Variants in GNAZ observed in about 807,000 individuals in gnomAD.
GNAZ encodes guanine nucleotide-binding protein G(z) subunit alpha.
GNAZ carries 3 observed loss-of-function variants against 25.4 expected under a neutral mutation model. The observed-to-expected ratio is 0.12, with a 90% CI of 0.05 to 0.30. The LOEUF (loss-of-function observed/expected upper bound fraction) is 0.30, where lower values mean the gene tolerates loss of function less well. GNAZ is among the 10% of genes least tolerant of loss of function. The probability of loss-of-function intolerance (pLI) is 1.00; values close to 1 mark genes in which losing one functional copy is unlikely to be tolerated. For synonymous variants in GNAZ, 211 were observed against 205.7 expected, an observed-to-expected ratio of 1.03 and a Z score of -0.22; for missense variants, 241 against 501.8, an observed-to-expected ratio of 0.48 and a Z score of 4.97.
chr22:23,086,634 C>T (rs758741650), intron 1 of GNAZ, among the ~76,000 whole-genome samples: 3 of 152,196 alleles, frequency 2.0e-5, no homozygotes, highest in Admixed American at 6.5e-5. Flanking sequence ...AGACCCTCCC[C>T]GGGGCCCAGC....
chr22:23,080,476 G>A (rs967691425), intron 1 of GNAZ, among the ~76,000 whole-genome samples: 7 of 152,224 alleles, frequency 4.6e-5, no homozygotes, highest in East Asian at 1.9e-4. Context: ...TTCACTAACC[G>A]TAGTCCTTCC....
intron 1 of GNAZ, among the ~76,000 whole-genome samples, chr22:23,093,153 G>T (rs1177135699): frequency 6.6e-6 from 1 of 152,228 alleles, no homozygotes; most frequent in African/African-American, 2.4e-5. Context: ...TGCCCACTGT[G>T]TGCTGGAGTG....
At chr22:23,085,360 C>G (rs890014439) in intron 1 of GNAZ, among the ~76,000 whole-genome samples, 1 of 152,208 alleles carries the variant, frequency 6.6e-6, no homozygotes, top group Non-Finnish European at 1.5e-5. Context: ...CCATGTCCCC[C>G]TGTCCCCAAG....
intron 2 of GNAZ, chr22:23,122,749 G>A (rs912629680): frequency 3.2e-5 from 10 of 311,130 alleles, no homozygotes; most frequent in East Asian, 5.7e-5. Flanking sequence ...GGGGGTCCTC[G>A]GAGCTGGAGG....
intron 1 of GNAZ, among the ~76,000 whole-genome samples, chr22:23,081,329 G>C (rs2068672048): frequency 6.6e-6 from 1 of 152,220 alleles, no homozygotes; most frequent in Non-Finnish European, 1.5e-5. Context: ...GGAAGAGTTT[G>C]TGTCTCTGAA....
intron 1 of GNAZ, among the ~76,000 whole-genome samples, chr22:23,080,753 CAA>C (rs2068653755): frequency 6.6e-6 from 1 of 152,236 alleles, no homozygotes; most frequent in Non-Finnish European, 1.5e-5. Context: ...TCTCATTTTT[CAA>C]ACACTGCAAA....
intron 1 of GNAZ, among the ~76,000 whole-genome samples, chr22:23,088,417 C>T (rs1337670053): frequency 6.6e-6 from 1 of 152,204 alleles, no homozygotes; most frequent in Non-Finnish European, 1.5e-5. Flanking sequence ...CTCCTCCCTC[C>T]CCAGACCAGC....
chr22:23,084,876 C>T (rs2068775546), intron 1 of GNAZ, among the ~76,000 whole-genome samples: 5 of 152,294 alleles, frequency 3.3e-5, no homozygotes, highest in South Asian at 4.1e-4. Context: ...GCACTGTCTG[C>T]GGTTTTGTGG....
At chr22:23,082,054 C>T (rs1449289818) in intron 1 of GNAZ, among the ~76,000 whole-genome samples, 23 of 137,682 alleles carry the variant, frequency 1.7e-4, no homozygotes, top group African/African-American at 5.1e-4. Flanking sequence ...GAACCCAGGA[C>T]GCGGAGCTTG....
At chr22:23,087,764 G>A (rs949196502) in intron 1 of GNAZ, among the ~76,000 whole-genome samples, 1 of 152,172 alleles carries the variant, frequency 6.6e-6, no homozygotes, top group Non-Finnish European at 1.5e-5. Context: ...CAGTTCCTGG[G>A]TGGGGGCCAC....
intron 1 of GNAZ, among the ~76,000 whole-genome samples, chr22:23,080,132 A>G (rs1343340419): frequency 6.6e-6 from 1 of 152,196 alleles, no homozygotes; most frequent in African/African-American, 2.4e-5. Context: ...CTCTGCTGTC[A>G]TGGCCACCCT....
chr22:23,074,198 T>C (rs1251327517), intron 1 of GNAZ, among the ~76,000 whole-genome samples: 1 of 152,086 alleles, frequency 6.6e-6, no homozygotes, highest in Admixed American at 6.5e-5. Context: ...GGAGCTAATC[T>C]ACACTTTGAA....
At chr22:23,080,898 G>A (rs2068658696) in intron 1 of GNAZ, among the ~76,000 whole-genome samples, 1 of 152,232 alleles carries the variant, frequency 6.6e-6, no homozygotes, top group Non-Finnish European at 1.5e-5. Context: ...TGTAAAGCAT[G>A]CTGGCTTGTG....
intron 1 of GNAZ, among the ~76,000 whole-genome samples, chr22:23,078,179 T>C (rs1366377183): frequency 6.6e-6 from 1 of 152,248 alleles, no homozygotes; most frequent in African/African-American, 2.4e-5. Flanking sequence ...CAGTTACCTC[T>C]GATATGCTGT....
rs201526580 is a variant in GNAZ, at chr22:23,096,010, G to A, written c.315G>A (p.Val105=). 3.1e-6 allele frequency: 5 copies of A among 1,607,784 alleles called. No homozygotes were observed. In the South Asian group the frequency reaches 3.3e-5, roughly 11 times the overall value. ...FHNPDRAYDA[V]QLFALTGPAE... is the part of the protein sequence containing the mutation. ...ACCCCGACCGCGCCTACGACGCTGTGCAGCTCTTTGCGCTGACGGGCCCCG... is the reference window on the plus strand; with the variant it reads ...ACCCCGACCGCGCCTACGACGCTGTACAGCTCTTTGCGCTGACGGGCCCCG... The change falls in exon 2 of 3, where the codon GTG becomes GTA. Residue 105 remains valine, a synonymous_variant. Coordinates refer to ENST00000615612, the MANE Select transcript of GNAZ (RefSeq NM_002073.4).
chr22:23,107,910 C>T (rs1006334992), intron 2 of GNAZ, among the ~76,000 whole-genome samples: 1 of 152,230 alleles, frequency 6.6e-6, no homozygotes, highest in Non-Finnish European at 1.5e-5. Context: ...CCAGCTGTCA[C>T]TGGAGGGCCA....
chr22:23,084,661 C>T (rs912434998), intron 1 of GNAZ, among the ~76,000 whole-genome samples: 4 of 152,358 alleles, frequency 2.6e-5, no homozygotes, highest in South Asian at 2.1e-4. Flanking sequence ...TGAGCACCTG[C>T]GCTTCGTGGC....
rs376098316 is a variant in GNAZ, at chr22:23,076,111, C to T, written c.-450+5541C>T. On this transcript the variant is annotated intron_variant, in intron 1 of 2. Transcript: ENST00000615612. ...GCTGGCATGGCAGTGAGGGCTGGCT[C>T]TTAGGCTGTGGCCCTGCTCCAGACA... is the stretch of plus-strand genomic sequence containing the variant. 2.4e-3 allele frequency among the ~76,000 whole-genome samples: 366 copies of T among 152,326 alleles called. 1 individual carries two copies. The highest frequency in any genetic ancestry group is 8.6e-3 in the African/African-American group (356 of 41,566).
chr22:23,079,132 T>C (rs1297687049), intron 1 of GNAZ, among the ~76,000 whole-genome samples: 1 of 152,242 alleles, frequency 6.6e-6, no homozygotes, highest in African/African-American at 2.4e-5. Flanking sequence ...CCCTGCCCTA[T>C]GGCACAGTGG....
Sources: allele counts gnomAD v4.1 joint callset (sites outside exome capture counted in the v4.1 genomes callset), GRCh38; gene constraint gnomAD v4.1.1; transcripts MANE v1.5; gene names NCBI Gene and HGNC (gene_info 2026-07-23, HGNC 2026-07-21).